BCL2: variants seen among roughly 807,000 people sequenced by gnomAD.
The protein encoded by BCL2 is BCL2 apoptosis regulator.
Under a neutral mutation model 14.2 loss-of-function variants are expected in BCL2, and 1 was observed. The observed-to-expected ratio is 0.07, with a 90% CI of 0.02 to 0.33. The LOEUF is 0.33. Ranked by LOEUF, BCL2 falls within the 10% of genes least tolerant of loss-of-function variation. BCL2 has a pLI of 0.99. For synonymous variants in BCL2, 151 were observed against 137.2 expected, an observed-to-expected ratio of 1.10 and a Z score of -0.70; for missense variants, 247 against 305.9, an observed-to-expected ratio of 0.81 and a Z score of 1.44.
At chr18:63,157,882 G>A (rs963236608) in intron 2 of BCL2, among the ~76,000 whole-genome samples, 2 of 152,128 alleles carry the variant, frequency 1.3e-5, no homozygotes, top group South Asian at 4.1e-4. Flanking sequence ...AGTGATGAGG[G>A]AGTTTCCAAT....
chr18:63,236,924 T>C (rs1178385814), intron 2 of BCL2, among the ~76,000 whole-genome samples: 2 of 152,190 alleles, frequency 1.3e-5, no homozygotes, highest in Non-Finnish European at 2.9e-5. Context: ...AATTCTAGAC[T>C]CTTCATTCTG....
chr18:63,183,710 T>G (rs942565717), intron 2 of BCL2, among the ~76,000 whole-genome samples: 5 of 152,146 alleles, frequency 3.3e-5, no homozygotes, highest in African/African-American at 1.2e-4. Context: ...GCCTTCTGCA[T>G]GGGGCGGGGG....
chr18:63,283,846 G>A (rs980883963), intron 2 of BCL2, among the ~76,000 whole-genome samples: 1 of 152,208 alleles, frequency 6.6e-6, no homozygotes, highest in Admixed American at 6.5e-5. Context: ...ACATTCAAAT[G>A]TGAGACTCAA....
At chr18:63,216,665 T>C (rs1371443096) in intron 2 of BCL2, among the ~76,000 whole-genome samples, 2 of 152,132 alleles carry the variant, frequency 1.3e-5, no homozygotes, top group African/African-American at 2.4e-5. Flanking sequence ...ATAGAAGTGA[T>C]AGAAACCACA....
At chr18:63,222,099 G>A (rs1910407270) in intron 2 of BCL2, among the ~76,000 whole-genome samples, 1 of 151,902 alleles carries the variant, frequency 6.6e-6, no homozygotes, top group South Asian at 2.1e-4. Flanking sequence ...TGGCCAACAA[G>A]GCTAAATCCC....
At chr18:63,155,860 G>A (rs958395187) in intron 2 of BCL2, among the ~76,000 whole-genome samples, 10 of 152,066 alleles carry the variant, frequency 6.6e-5, no homozygotes, top group African/African-American at 1.9e-4. Flanking sequence ...CCTTCCTGGG[G>A]CCCTCACTCA....
intron 2 of BCL2, among the ~76,000 whole-genome samples, chr18:63,131,386 G>A (rs780638900): frequency 1.3e-5 from 2 of 152,170 alleles, no homozygotes; most frequent in African/African-American, 4.8e-5. Context: ...GGCAATAGAC[G>A]TACATAAAAT....
At chr18:63,198,838 C>CACAGTG (rs1435080103) in intron 2 of BCL2, among the ~76,000 whole-genome samples, 5 of 724 alleles carry the variant, frequency 6.9e-3, no homozygotes, top group South Asian at 0.024. Flanking sequence ...CATACACAGA[C>CACAGTG]ACACATAGAC....
chr18:63,292,247 T>C (rs1024439422), intron 2 of BCL2, among the ~76,000 whole-genome samples: 17 of 146,998 alleles, frequency 1.2e-4, no homozygotes, highest in Non-Finnish European at 1.9e-4. Flanking sequence ...AAAAAAATCA[T>C]GCCCAATCCT....
Position 63,280,452 on chromosome 18 carries a change from A to G in BCL2, c.585+37630T>C, listed in dbSNP as rs149523679. ...TATATCTGATAACGGATTAACGTCC[A>G]GAATATGTAAAGAACGCCTACAACT... On this transcript the variant is annotated intron_variant, in intron 2 of 2. Transcript: ENST00000333681. Among the ~76,000 whole-genome samples the G allele has an allele frequency of 2.5e-3, 380 of 152,366 alleles. 5 individuals are homozygous for G. The highest frequency in any genetic ancestry group is 1.1e-3 in the Non-Finnish European group (76 of 68,032).
chr18:63,164,024 GAGTCA>G (rs1914983931), intron 2 of BCL2, among the ~76,000 whole-genome samples: 1 of 152,218 alleles, frequency 6.6e-6, no homozygotes, highest in African/African-American at 2.4e-5. Context: ...AATCCATCAT[GAGTCA>G]AGTCCAGTGT....
intron 2 of BCL2, among the ~76,000 whole-genome samples, chr18:63,275,570 A>G (rs1261496972): frequency 1.3e-5 from 2 of 152,240 alleles, no homozygotes; most frequent in Non-Finnish European, 2.9e-5. Context: ...ACGAATAATG[A>G]GCTTCATATT....
At chr18:63,219,094 G>A (rs1489336511) in intron 2 of BCL2, among the ~76,000 whole-genome samples, 1 of 152,074 alleles carries the variant, frequency 6.6e-6, no homozygotes, top group Non-Finnish European at 1.5e-5. Flanking sequence ...TGACATTAAA[G>A]GACTTCTAAC....
chr18:63,194,479 C>T (rs528019889), intron 2 of BCL2, among the ~76,000 whole-genome samples: 10 of 151,982 alleles, frequency 6.6e-5, no homozygotes, highest in South Asian at 6.2e-4. Context: ...GGATTACAGG[C>T]GTGCGCTACC....
intron 2 of BCL2, among the ~76,000 whole-genome samples, chr18:63,254,614 A>G (rs1032731896): frequency 2.0e-5 from 3 of 152,032 alleles, no homozygotes; most frequent in Non-Finnish European, 4.4e-5. Flanking sequence ...TTGGGGTCAC[A>G]ATTATCAATA....
intron 2 of BCL2, among the ~76,000 whole-genome samples, chr18:63,267,235 G>A (rs942538034): frequency 2.0e-5 from 3 of 152,142 alleles, no homozygotes; most frequent in African/African-American, 7.2e-5. Flanking sequence ...TCCGTGCTTG[G>A]GTAGGTTTTC....
intron 2 of BCL2, among the ~76,000 whole-genome samples, chr18:63,307,128 G>GTTGC (rs543226462): frequency 1.3e-5 from 2 of 152,114 alleles, no homozygotes; most frequent in South Asian, 2.1e-4. Context: ...AAAACACAGA[G>GTTGC]ATGCAAGTGA....
At position 63,318,406 on chromosome 18, in the gene BCL2, G is replaced by A. The variant is rs770293857; in HGVS notation, c.261C>T (p.Ser87=). 9.7e-6 allele frequency: 15 copies of A among 1,539,882 alleles called. No individual in the cohort carries two copies. In the Middle Eastern group the frequency reaches 5.3e-4, roughly 54 times the overall value. The part of the protein sequence containing the change: ...APGAAAGPAL[S]PVPPVVHLTL... ...TCAGGTGGACCACAGGTGGCACCGG[G>A]CTGAGCGCAGGCCCCGCGGCGGCGC... Residue 87 remains serine, a synonymous_variant, in exon 2 of 3, where the codon AGC becomes AGT. Transcript: ENST00000333681. The surrounding 1 kb of genome is among the most constrained non-coding windows in gnomAD (Gnocchi z 7.4).
intron 2 of BCL2, among the ~76,000 whole-genome samples, chr18:63,169,340 T>TCTTC (rs1915151335): frequency 2.2e-5 from 1 of 45,812 alleles, no homozygotes; most frequent in Non-Finnish European, 3.9e-5. Context: ...TTCCTTCCTT[T>TCTTC]CTTTCTTTCT....
Sources: gnomAD v4.1 joint callset for allele counts (sites outside exome capture counted in the v4.1 genomes callset) on GRCh38, gnomAD v4.1.1 for gene constraint, Gnocchi (gnomAD v3.1) non-coding constraint, MANE v1.5 for transcripts, NCBI Gene and HGNC (gene_info 2026-07-23, HGNC 2026-07-21) for gene names.